PDE4D: variants seen among roughly 807,000 people sequenced by gnomAD.
PDE4D encodes the protein 3',5'-cyclic-AMP phosphodiesterase 4D.
In PDE4D, 24 loss-of-function variants were observed where a neutral mutation model predicts 87.4. The observed-to-expected ratio is 0.27, with a 90% CI of 0.20 to 0.39. PDE4D has a LOEUF of 0.39. PDE4D is among the 10% of genes least tolerant of loss of function. The pLI, the probability that PDE4D is intolerant of heterozygous loss-of-function variation, is 1.00. For synonymous variants in PDE4D, 384 were observed against 383.2 expected (o/e 1.00, Z -0.02); for missense variants, 714 against 1,041.0 (o/e 0.69, Z 4.32).
At chr5:60,330,152 C>G (rs536477470) in intron 1 of PDE4D, among the ~76,000 whole-genome samples, 3 of 152,148 alleles carry the variant, frequency 2.0e-5, no homozygotes, top group African/African-American at 7.2e-5. Flanking sequence ...TGAAAGGAAA[C>G]TTTGATCTGA....
intron 1 of PDE4D, among the ~76,000 whole-genome samples, chr5:59,782,904 T>C (rs774263428): frequency 6.6e-6 from 1 of 152,216 alleles, no homozygotes; most frequent in African/African-American, 2.4e-5. Flanking sequence ...ATCTCCTTTT[T>C]GCTCTGTGGG....
chr5:59,508,873 G>T (rs1809762902), intron 1 of PDE4D, among the ~76,000 whole-genome samples: 1 of 151,946 alleles, frequency 6.6e-6, no homozygotes, highest in Non-Finnish European at 1.5e-5. Context: ...ATATATGAAT[G>T]AAACATTCAG....
At chr5:60,356,134 C>T (rs776536904) in intron 1 of PDE4D, among the ~76,000 whole-genome samples, 27 of 152,110 alleles carry the variant, frequency 1.8e-4, no homozygotes, top group Non-Finnish European at 2.8e-4. Flanking sequence ...TGGTCAGGAA[C>T]CCCCAGAGCC....
intron 1 of PDE4D, among the ~76,000 whole-genome samples, chr5:60,502,706 A>G (rs1212967831): frequency 6.6e-6 from 1 of 152,148 alleles, no homozygotes; most frequent in South Asian, 2.1e-4. Flanking sequence ...AGCAGTGTCA[A>G]TCTCTAAATC....
chr5:60,073,057 G>C (rs895714179), intron 2 of PDE4D, among the ~76,000 whole-genome samples: 2 of 152,082 alleles, frequency 1.3e-5, no homozygotes, highest in African/African-American at 4.8e-5. Flanking sequence ...TGTTGAATAG[G>C]AGTGGTGAGA....
intron 1 of PDE4D, among the ~76,000 whole-genome samples, chr5:59,844,665 C>T (rs891402314): frequency 1.3e-5 from 2 of 151,984 alleles, no homozygotes; most frequent in Non-Finnish European, 2.9e-5. Context: ...TAAGATGGCC[C>T]CCAAGATTCT....
At position 60,072,863 on chromosome 5, in the gene PDE4D, A is replaced by G. The variant is rs377364266; in HGVS notation, c.43-84146T>C. ...TTTCACTGGTCATGTTTCTGTTTTT[A>G]TACCAGAATCATGCTGTTTTGGATA... On this transcript the variant is annotated intron_variant, in intron 2 of 16. Coordinates refer to the PDE4D transcript ENST00000502484. Among the ~76,000 whole-genome samples, 17 of 152,178 alleles carry G rather than the reference A, an allele frequency of 1.1e-4. No homozygotes were observed. In the East Asian group the frequency reaches 1.4e-3, roughly 12 times the overall value.
At chr5:59,417,266 C>T (rs1018164306) in intron 1 of PDE4D, among the ~76,000 whole-genome samples, 1 of 152,006 alleles carries the variant, frequency 6.6e-6, no homozygotes, top group African/African-American at 2.4e-5. Context: ...ATGAGGTGCT[C>T]ACACCGATAA....
At chr5:60,074,373 C>T (rs957912876) in intron 2 of PDE4D, among the ~76,000 whole-genome samples, 2 of 152,034 alleles carry the variant, frequency 1.3e-5, no homozygotes, top group African/African-American at 4.8e-5. Context: ...AATTTTATTG[C>T]ACTGTGGTTC....
chr5:59,458,801 T>G (rs1562225999), intron 1 of PDE4D, among the ~76,000 whole-genome samples: 2 of 152,198 alleles, frequency 1.3e-5, no homozygotes, highest in Non-Finnish European at 2.9e-5. Context: ...ACTCTGGATC[T>G]GCAATGAAAT....
At chr5:60,337,388 T>TATACATATACACAC (rs66871903) in intron 1 of PDE4D, among the ~76,000 whole-genome samples, 1 of 89,478 alleles carries the variant, frequency 1.1e-5, no homozygotes, top group East Asian at 3.8e-4. Context: ...TATATATATA[T>TATACATATACACAC]ACACACACAC....
chr5:59,756,810 C>CTTTT (rs5868192), intron 1 of PDE4D, among the ~76,000 whole-genome samples: 1 of 132,268 alleles, frequency 7.6e-6, no homozygotes, highest in Non-Finnish European at 1.6e-5. Context: ...GAGGTTCTTA[C>CTTTT]TTTTTTTTTT....
chr5:59,087,954 T>C (rs1210641253), intron 5 of PDE4D, among the ~76,000 whole-genome samples: 1 of 152,214 alleles, frequency 6.6e-6, no homozygotes, highest in Non-Finnish European at 1.5e-5. Context: ...CAGCTTGTTG[T>C]AATGTCATTG....
chr5:59,761,573 G>A (rs932835418), intron 1 of PDE4D, among the ~76,000 whole-genome samples: 1 of 149,578 alleles, frequency 6.7e-6, no homozygotes, highest in Admixed American at 6.7e-5. Flanking sequence ...AAATATTTTT[G>A]TTAGAAACTA....
At chr5:60,238,516 A>G (rs150791410) in intron 1 of PDE4D, among the ~76,000 whole-genome samples, 1 of 151,988 alleles carries the variant, frequency 6.6e-6, no homozygotes, top group Non-Finnish European at 1.5e-5. Context: ...TTACCAATTT[A>G]TTCTTATTTG....
At chr5:59,229,562 G>C (rs1041307246) in intron 1 of PDE4D, among the ~76,000 whole-genome samples, 1 of 152,032 alleles carries the variant, frequency 6.6e-6, no homozygotes, top group Non-Finnish European at 1.5e-5. Flanking sequence ...TCTGCTTTCA[G>C]AAAAATAATA....
intron 1 of PDE4D, among the ~76,000 whole-genome samples, chr5:60,509,448 A>T (rs556063350): frequency 6.6e-6 from 1 of 152,288 alleles, no homozygotes; most frequent in Admixed American, 6.5e-5. Flanking sequence ...ATTACAGATA[A>T]ATTTTAGCAA....
intron 5 of PDE4D, among the ~76,000 whole-genome samples, chr5:59,165,277 A>G (rs969528917): frequency 6.6e-6 from 1 of 152,096 alleles, no homozygotes; most frequent in Non-Finnish European, 1.5e-5. Context: ...TTTCATAAAT[A>G]TCTTTTTTTT....
chr5:60,173,975 G>A (rs2149487300), intron 2 of PDE4D, among the ~76,000 whole-genome samples: 1 of 152,282 alleles, frequency 6.6e-6, no homozygotes, highest in South Asian at 2.1e-4. Context: ...TAGGCAACTG[G>A]ATAGCTGAGG....
Sources: gnomAD v4.1 joint callset for allele counts (sites outside exome capture counted in the v4.1 genomes callset) on GRCh38, gnomAD v4.1.1 for gene constraint, MANE v1.5 for transcripts, NCBI Gene and HGNC (gene_info 2026-07-23, HGNC 2026-07-21) for gene names.